Variants in SLC6A20 observed in about 807,000 individuals in gnomAD.
SLC6A20 encodes the protein sodium- and chloride-dependent transporter XTRP3.
SLC6A20 carries 73 observed loss-of-function variants against 64.3 expected under a neutral mutation model. The observed-to-expected ratio is 1.14, with a 90% CI of 0.94 to 1.38. SLC6A20 has a LOEUF of 1.38. Ranked by LOEUF, SLC6A20 falls within the 40% of genes most tolerant of loss-of-function variation. The pLI is 0.00. For missense variants in SLC6A20, 725 were observed against 772.8 expected (o/e 0.94, Z 0.73); for synonymous variants, 347 against 329.6 (o/e 1.05, Z -0.57).
intron 6 of SLC6A20, among the ~76,000 whole-genome samples, chr3:45,770,826 A>G (rs1228846106): frequency 2.6e-5 from 4 of 152,238 alleles, no homozygotes; most frequent in Non-Finnish European, 5.9e-5. Context: ...GTGGCTAGTG[A>G]CTACCCAACT....
intron 1 of SLC6A20, among the ~76,000 whole-genome samples, chr3:45,785,577 T>C (rs1005698588): frequency 6.6e-5 from 10 of 150,996 alleles, no homozygotes; most frequent in African/African-American, 2.5e-4. Flanking sequence ...TGTGGGACCT[T>C]GTAATCATGT....
intron 2 of SLC6A20, among the ~76,000 whole-genome samples, chr3:45,781,830 G>C (rs1336197072): frequency 6.6e-6 from 1 of 152,120 alleles, no homozygotes; most frequent in Admixed American, 6.5e-5. Flanking sequence ...CCAGAGAAGA[G>C]AAGGAGGGTG....
chr3:45,778,665 G>A (rs1700015934), intron 3 of SLC6A20, among the ~76,000 whole-genome samples: 1 of 152,198 alleles, frequency 6.6e-6, no homozygotes, highest in Middle Eastern at 3.2e-3. Flanking sequence ...AATCTATAAT[G>A]CTTACAATGT....
rs147477228 is a variant in SLC6A20 at position 45,768,947 on chromosome 3, A to T, written c.1098+1262T>A. ...AAGAAAAAGGGAATGAGATATAAGC[A>T]TTGAAAAGAAAAATGCAAAATTTGA... On this transcript the variant is annotated intron_variant, in intron 7 of 10. Transcript: ENST00000358525. Among the ~76,000 whole-genome samples, 32 of 152,370 alleles carry T rather than the reference A, an allele frequency of 2.1e-4. 1 individual carries two copies. Among genetic ancestry groups the T allele is most frequent in the African/African-American group, 5.5e-4 (23 of 41,596 alleles).
intron 4 of SLC6A20, among the ~76,000 whole-genome samples, chr3:45,775,219 G>A (rs888300068): frequency 1.3e-5 from 2 of 152,074 alleles, no homozygotes; most frequent in African/African-American, 4.8e-5. Flanking sequence ...TAGAACAAAG[G>A]GTCTCAAACT....
At chr3:45,764,942 G>A (rs1461238120) in intron 8 of SLC6A20, among the ~76,000 whole-genome samples, 1 of 150,474 alleles carries the variant, frequency 6.6e-6, no homozygotes. Flanking sequence ...GCCAGGTGTG[G>A]TGGCTCACAC....
In SLC6A20 at chr3:45,755,460, T is replaced by G. The variant is rs1340495795; in HGVS notation, c.*3518A>C. 6.6e-6 allele frequency: 1 copy of G among 152,254 alleles called. No homozygotes were observed. Among genetic ancestry groups the G allele is most frequent in the Non-Finnish European group, 1.5e-5 (1 of 68,040 alleles). The allele number at this position is 152,254 out of a possible 1,614,324, so 9.4% of individuals were successfully genotyped here. ...CCAAAACCAAAAACTGTAGATACAC[T>G]TGCTTAGAGTTTTATTTACTATGAC... On this transcript the variant is annotated 3_prime_UTR_variant, in exon 11 of 11. Coordinates refer to ENST00000358525, the MANE Select transcript of SLC6A20 (RefSeq NM_020208.4).
At chr3:45,775,729 G>C (rs753389636) in intron 4 of SLC6A20, 32 bp downstream of exon 4, 26 of 1,592,806 alleles carry the variant, frequency 1.6e-5, no homozygotes, top group Non-Finnish European at 2.1e-5. Context: ...CACCCACCAG[G>C]AGCACCGGGC....
Position 45,796,450 on chromosome 3 carries a change from TCGGGGGTCCGGCA to T in SLC6A20, c.-44_-32del. 6.3e-7 allele frequency: 1 copy of T among 1,599,580 alleles called. No individual in the cohort carries two copies. The highest frequency in any genetic ancestry group is 8.5e-7 in the Non-Finnish European group (1 of 1,173,588). On this transcript the variant is annotated 5_prime_UTR_variant, in exon 1 of 11. Coordinates refer to ENST00000358525, the MANE Select transcript of SLC6A20 (RefSeq NM_020208.4). ...CGGCCTCGGCGCGCTCGGCTCCGGCTCGGGGGTCCGGCACGGCAGTCTCAGTGCGCGGTCGCCA... is the reference window on the plus strand; with the variant it reads ...CGGCCTCGGCGCGCTCGGCTCCGGCTCGGCAGTCTCAGTGCGCGGTCGCCA...
chr3:45,782,654 T>C (rs1324412972), intron 1 of SLC6A20, among the ~76,000 whole-genome samples: 1 of 151,020 alleles, frequency 6.6e-6, no homozygotes, highest in Non-Finnish European at 1.5e-5. Context: ...CATCCATCCA[T>C]CCATCCAACC....
intron 10 of SLC6A20, 57 bp from the exon 11 acceptor site, chr3:45,759,184 C>G: frequency 6.5e-7 from 1 of 1,527,806 alleles, no homozygotes; most frequent in Non-Finnish European, 8.8e-7. Flanking sequence ...GCCCCTGGGC[C>G]TCAGGGCCCA....
rs1259291037 is a variant in SLC6A20 at position 45,758,084 on chromosome 3, T to G, written c.*894A>C. 1 of 160,806 alleles carries G rather than the reference T, an allele frequency of 6.2e-6. No homozygotes were observed. Among genetic ancestry groups the G allele is most frequent in the African/African-American group, 2.4e-5 (1 of 41,562 alleles). 10.0% of individuals were successfully genotyped at this position (160,806 alleles called of 1,614,324 possible). A position where few individuals can be genotyped will look rare whatever the true frequency, so the allele number is the denominator to read the frequency against. ...GCCTATGCCACCACTCCCAGCTAAT[T>G]TTTTTGTATTTTTAGTAGAAATGGG... On this transcript the variant is annotated 3_prime_UTR_variant, in exon 11 of 11. Coordinates refer to ENST00000358525, the MANE Select transcript of SLC6A20 (RefSeq NM_020208.4).
chr3:45,788,732 A>G (rs2125656708), intron 1 of SLC6A20, among the ~76,000 whole-genome samples: 1 of 152,362 alleles, frequency 6.6e-6, no homozygotes, highest in Middle Eastern at 3.4e-3. Flanking sequence ...AGTAAAAAAC[A>G]TTGTAGCTAA....
At chr3:45,763,414 A>C (rs1311322309) in intron 8 of SLC6A20, among the ~76,000 whole-genome samples, 1 of 152,152 alleles carries the variant, frequency 6.6e-6, no homozygotes, top group Non-Finnish European at 1.5e-5. Context: ...CTACAATTAT[A>C]ACCCCCGCTG....
chr3:45,787,221 C>T (rs1700184578), intron 1 of SLC6A20, among the ~76,000 whole-genome samples: 1 of 152,180 alleles, frequency 6.6e-6, no homozygotes, highest in African/African-American at 2.4e-5. Flanking sequence ...GGCCTCTCTC[C>T]ATCCACTGCA....
intron 8 of SLC6A20, 117 bp from the exon 9 acceptor site, chr3:45,763,189 C>A: frequency 6.9e-7 from 1 of 1,447,752 alleles, no homozygotes; most frequent in South Asian, 1.3e-5. Flanking sequence ...ATTGCTTCAT[C>A]CACATGGGTT....
At chr3:45,761,875 C>T (rs1409100854) in intron 9 of SLC6A20, among the ~76,000 whole-genome samples, 1 of 152,162 alleles carries the variant, frequency 6.6e-6, no homozygotes, top group African/African-American at 2.4e-5. Flanking sequence ...CATGGGAGAT[C>T]CCTCAGCATG....
chr3:45,763,509 C>G (rs1397714423), intron 8 of SLC6A20, among the ~76,000 whole-genome samples: 1 of 152,066 alleles, frequency 6.6e-6, no homozygotes, highest in Admixed American at 6.5e-5. Flanking sequence ...ATCAGGACTT[C>G]CTAGAGAGGA....
At chr3:45,787,753 C>G (rs148945957) in intron 1 of SLC6A20, among the ~76,000 whole-genome samples, 1 of 152,156 alleles carries the variant, frequency 6.6e-6, no homozygotes, top group Non-Finnish European at 1.5e-5. Flanking sequence ...ACAGTCAGCT[C>G]CTTGAGGGTA....
Sources: allele counts gnomAD v4.1 joint callset (sites outside exome capture counted in the v4.1 genomes callset), GRCh38; gene constraint gnomAD v4.1.1; transcripts MANE v1.5; gene names NCBI Gene and HGNC (gene_info 2026-07-23, HGNC 2026-07-21).